TRIM67: variants seen among roughly 807,000 people sequenced by gnomAD.
The protein encoded by TRIM67 is tripartite motif containing 67, also known as tripartite motif-containing protein 67.
Under a neutral mutation model 71.0 loss-of-function variants are expected in TRIM67, and 39 were observed. The ratio of observed to expected loss-of-function variants is 0.55; its 90% CI spans 0.43 to 0.72. The LOEUF is 0.72. Among genes scored for constraint, TRIM67 ranks in the 30% least tolerant of loss-of-function variants. TRIM67 has a pLI of 0.00. For synonymous variants in TRIM67, 481 were observed against 473.9 expected, an observed-to-expected ratio of 1.01 and a Z score of -0.19; for missense variants, 973 against 1,079.2, an observed-to-expected ratio of 0.90 and a Z score of 1.38.
chr1:231,213,930 G>A lies in TRIM67; in HGVS notation c.2239G>A (p.Val747Met), dbSNP rs369464627. 9.3e-6 allele frequency: 15 copies of A among 1,613,634 alleles called. No homozygotes were observed. Among genetic ancestry groups the A allele is most frequent in the South Asian group, 3.3e-5 (3 of 91,062 alleles). The part of the protein sequence containing the change: ...QQQGPTAFSH[V>M]DGVFMPALSL... The stretch of plus-strand genomic sequence containing the variant: ...GCAGGGCCCCACAGCCTTCAGCCAC[G>A]TGGACGGGGTCTTCATGCCAGCCCT... Residue 747 changes from valine to methionine, a missense_variant, in exon 9 of 10, where the codon GTG (valine) becomes ATG (methionine). Transcript: ENST00000366653.
chr1:231,213,378 C>T (rs773308304), intron 8 of TRIM67, among the ~76,000 whole-genome samples: 1 of 152,134 alleles, frequency 6.6e-6, no homozygotes, highest in Admixed American at 6.5e-5. Context: ...CAGGAGAGCA[C>T]CTCACCACCA....
In TRIM67 at chr1:231,220,318, C is replaced by T. The variant is rs563184493; in HGVS notation, c.*4878C>T. 9.5e-5 allele frequency: 19 copies of T among 199,790 alleles called. No individual in the cohort carries two copies. Among genetic ancestry groups the T allele is most frequent in the African/African-American group, 4.2e-4 (18 of 42,860 alleles). 12.4% of individuals were successfully genotyped at this position (199,790 alleles called of 1,614,324 possible). ...GTAACACCCCATATGTTTCCATTCC[C>T]GGCGAGGCCTGTTTGAATGGCGCTC... On this transcript the variant is annotated 3_prime_UTR_variant, in exon 10 of 10. Coordinates refer to ENST00000366653, the MANE Select transcript of TRIM67 (RefSeq NM_001004342.5).
intron 9 of TRIM67, among the ~76,000 whole-genome samples, chr1:231,215,021 A>G (rs1236244642): frequency 6.6e-6 from 1 of 152,208 alleles, no homozygotes; most frequent in Admixed American, 6.5e-5. Flanking sequence ...TTAATAGGAA[A>G]GGAAAGAAGG....
chr1:231,165,961 A>G (rs1490351982), intron 1 of TRIM67, among the ~76,000 whole-genome samples: 1 of 152,248 alleles, frequency 6.6e-6, no homozygotes, highest in African/African-American at 2.4e-5. Flanking sequence ...AGAGAAATTA[A>G]CTGTCTTACA....
In TRIM67 at chr1:231,217,622, A is replaced by T. The variant is rs1054099526; in HGVS notation, c.*2182A>T. On this transcript the variant is annotated 3_prime_UTR_variant, in exon 10 of 10. Coordinates refer to ENST00000366653, the MANE Select transcript of TRIM67 (RefSeq NM_001004342.5). ...AACAGGCCTACACCCTGCCCCCAGA[A>T]TGAGAGTGGGCTAGGCAGGGCTGCC... is the stretch of plus-strand genomic sequence containing the variant. 5.4e-5 allele frequency: 61 copies of T among 1,122,222 alleles called. No individual in the cohort carries two copies. Among genetic ancestry groups the T allele is most frequent in the Non-Finnish European group, 6.7e-5 (61 of 903,960 alleles). 69.5% of individuals were successfully genotyped at this position (1,122,222 alleles called of 1,614,324 possible).
chr1:231,174,094 G>T (rs1041511294), intron 1 of TRIM67, among the ~76,000 whole-genome samples: 1 of 149,998 alleles, frequency 6.7e-6, no homozygotes, highest in African/African-American at 2.5e-5. Context: ...ATATTAGATT[G>T]CTTGCTATTG....
chr1:231,187,748 G>A (rs1264654711), intron 1 of TRIM67: 5 of 599,594 alleles, frequency 8.3e-6, no homozygotes, highest in Non-Finnish European at 1.5e-5. Context: ...GGTAGCCAGA[G>A]GGACAGCGGG....
chr1:231,173,846 T>C (rs920382931), intron 1 of TRIM67, among the ~76,000 whole-genome samples: 4 of 152,170 alleles, frequency 2.6e-5, no homozygotes, highest in African/African-American at 9.7e-5. Flanking sequence ...TTAGAAGCTG[T>C]TGCAGCAGTT....
At position 231,197,411 on chromosome 1, in the gene TRIM67, C is replaced by A; in HGVS notation, c.1085C>A (p.Ala362Glu). 6.2e-7 allele frequency: 1 copy of A among 1,613,954 alleles called. No homozygotes were observed. ...GCCTTAAATGGAGTTTCAGATAAGG[C>A]AAAGGAAGCAAAGGAGTTTCTGGTT... ...SQALNGVSDK[A>E]KEAKEFLVQL... The change falls in exon 2 of 10, where the codon GCA (alanine) becomes GAA (glutamate). Residue 362 changes from alanine to glutamate, a missense_variant. This residue lies in a region of TRIM67 where 795 missense variants were observed against 831.3 expected (regional missense o/e 0.96). Transcript: ENST00000366653.
In TRIM67 at chr1:231,217,055, G is replaced by A; in HGVS notation, c.*1615G>A. 1 of 985,906 alleles carries A rather than the reference G, an allele frequency of 1.0e-6. No homozygotes were observed. The highest frequency in any genetic ancestry group is 1.2e-6 in the Non-Finnish European group (1 of 829,958). The allele number at this position is 985,906 out of a possible 1,614,324, so 61.1% of individuals were successfully genotyped here. A position where few individuals can be genotyped will look rare whatever the true frequency, so the allele number is the denominator to read the frequency against. Reference sequence around the variant, plus strand: ...TGTGCGTCCTTGGTTCTGCCTTCCTGTTCAGACACCGCGCCTGCTTTCTGA... The same window carrying A: ...TGTGCGTCCTTGGTTCTGCCTTCCTATTCAGACACCGCGCCTGCTTTCTGA... On this transcript the variant is annotated 3_prime_UTR_variant, in exon 10 of 10. Coordinates refer to ENST00000366653, the MANE Select transcript of TRIM67 (RefSeq NM_001004342.5).
rs544979502 is a variant in TRIM67 at position 231,206,688 on chromosome 1, G to A, written c.1717G>A (p.Asp573Asn). 8.1e-6 allele frequency: 13 copies of A among 1,610,938 alleles called. No individual in the cohort carries two copies. Among genetic ancestry groups the A allele is most frequent in the South Asian group, 7.7e-5 (7 of 90,342 alleles). ...YVGKETLCTI[D>N]GLHFNSTYNA... ...CGGTAAGGAGACTTTGTGTACCATC[G>A]ACGGTCTTCACTTCAACAGCACCTA... is the stretch of plus-strand genomic sequence containing the variant. The change falls in exon 7 of 10, where the codon GAC becomes AAC. Residue 573 changes from aspartate to asparagine, a missense_variant. Transcript: ENST00000366653.
In TRIM67 at chr1:231,163,006, C is replaced by T. The variant is rs1280206060; in HGVS notation, c.37C>T (p.Leu13=). Residue 13 remains leucine (L), a synonymous_variant, in exon 1 of 10, where the codon CTG becomes TTG. Coordinates refer to ENST00000366653, the MANE Select transcript of TRIM67 (RefSeq NM_001004342.5). ...GCTGAAGTGTCCCGTGTGCGGCTCT[C>T]TGTTTCGGGAGCCTATCATCCTGCC... ...EELKCPVCGS[L]FREPIILPCS... The T allele has an allele frequency of 3.1e-6, 5 of 1,612,814 alleles. No individual in the cohort carries two copies. The South Asian group carries it at 4.4e-5, about 14-fold the overall frequency.
chr1:231,169,991 C>CTTTTTTT (rs1342320930), intron 1 of TRIM67, among the ~76,000 whole-genome samples: 1 of 130,240 alleles, frequency 7.7e-6, no homozygotes. Context: ...TTTTCTTTCT[C>CTTTTTTT]TCTTTTTTTT....
Position 231,199,062 on chromosome 1 carries a change from T to A in TRIM67, c.1156T>A (p.Tyr386Asn). Residue 386 changes from tyrosine to asparagine, a missense_variant, in exon 3 of 10, where the codon TAC becomes AAC. Physicochemically the swap from Tyr to Asn is moderately radical, Grantham distance 143. Transcript: ENST00000366653. ...CCTCTGCCAGGAAAACGGACTGGAC[T>A]ACGAAGCCTGCCTCGTTGCTCAGTG... ...LQQIQENGLD[Y>N]EACLVAQCDA... The A allele has an allele frequency of 6.2e-7, 1 of 1,614,006 alleles. No individual in the cohort carries two copies. The highest frequency in any genetic ancestry group is 1.1e-5 in the South Asian group (1 of 91,082).
Position 231,217,196 on chromosome 1 carries a change from A to G in TRIM67, c.*1756A>G, listed in dbSNP as rs1285640342. The G allele has an allele frequency of 1.0e-6, 1 of 985,922 alleles. No homozygotes were observed. The highest frequency in any genetic ancestry group is 1.7e-5 in the African/African-American group (1 of 57,238). The allele number at this position is 985,922 out of a possible 1,614,324, so 61.1% of individuals were successfully genotyped here. On this transcript the variant is annotated 3_prime_UTR_variant, in exon 10 of 10. Coordinates refer to ENST00000366653, the MANE Select transcript of TRIM67 (RefSeq NM_001004342.5). ...GCTGCTTGGTCCGCTGTCTCTGCAG[A>G]TGTGGCCGGCAAGGCCAGCTGCCCC...
At chr1:231,195,632 G>A (rs779582281) in intron 1 of TRIM67, among the ~76,000 whole-genome samples, 6 of 152,234 alleles carry the variant, frequency 3.9e-5, no homozygotes, top group African/African-American at 1.2e-4. Flanking sequence ...CTCTCCTTGC[G>A]TGCTGGTGCT....
At chr1:231,201,264 C>A (rs1434283758) in intron 4 of TRIM67, 94 bp from the exon 5 acceptor site, 2 of 1,340,154 alleles carry the variant, frequency 1.5e-6, no homozygotes, top group Non-Finnish European at 2.0e-6. Flanking sequence ...GTCTCTGAGT[C>A]CCATAGAGAC....
intron 1 of TRIM67, chr1:231,187,409 G>A (rs1379736921): frequency 2.0e-5 from 20 of 1,007,806 alleles, no homozygotes; most frequent in Non-Finnish European, 2.8e-5. Context: ...TTTAAAAAAT[G>A]AGTCATTTAC....
chr1:231,217,010 G>T lies in TRIM67; in HGVS notation c.*1570G>T, dbSNP rs141689662. The stretch of plus-strand genomic sequence containing the variant: ...GCTGGACTGGATTTTTATAAAATTC[G>T]CCCATTCACCAGCACCAACTGTGCG... On this transcript the variant is annotated 3_prime_UTR_variant, in exon 10 of 10. Transcript: ENST00000366653. The T allele has an allele frequency of 8.5e-5, 84 of 985,836 alleles. No individual in the cohort carries two copies. The African/African-American group carries it at 1.4e-3, about 16-fold the overall frequency. 61.1% of individuals were successfully genotyped at this position (985,836 alleles called of 1,614,324 possible).
Sources: gnomAD v4.1 joint callset for allele counts (sites outside exome capture counted in the v4.1 genomes callset) on GRCh38, gnomAD v4.1.1 for gene constraint, gnomAD v4.1.1 regional missense constraint, MANE v1.5 for transcripts, NCBI Gene and HGNC (gene_info 2026-07-23, HGNC 2026-07-21) for gene names.